Variants in GATAD2B observed in about 807,000 individuals in gnomAD.
The protein encoded by GATAD2B is GATA zinc finger domain containing 2B, also known as transcriptional repressor p66-beta.
In GATAD2B, 8 loss-of-function variants were observed where a neutral mutation model predicts 64.3. That is an observed-to-expected ratio of 0.12 (90% CI 0.07 to 0.22). The LOEUF is 0.22. Ranked by LOEUF, GATAD2B falls within the 10% of genes least tolerant of loss-of-function variation. GATAD2B has a pLI of 1.00. For synonymous variants in GATAD2B, 281 were observed against 271.3 expected (o/e 1.04, Z -0.35); for missense variants, 453 against 752.0 (o/e 0.60, Z 4.65).
intron 2 of GATAD2B, among the ~76,000 whole-genome samples, chr1:153,822,847 C>A (rs942051881): frequency 3.3e-5 from 5 of 152,110 alleles, no homozygotes; most frequent in African/African-American, 1.2e-4. Context: ...GGGTCTCACT[C>A]TGTCACCCAG....
intron 1 of GATAD2B, among the ~76,000 whole-genome samples, chr1:153,917,022 G>T (rs1678288005): frequency 1.3e-5 from 2 of 150,532 alleles, no homozygotes; most frequent in African/African-American, 4.9e-5. Flanking sequence ...TGGCCAGGCG[G>T]GTCTTGAACT....
chr1:153,867,113 T>C (rs752103353), intron 1 of GATAD2B, among the ~76,000 whole-genome samples: 5 of 151,808 alleles, frequency 3.3e-5, no homozygotes, highest in Non-Finnish European at 5.9e-5. Context: ...ACCTTAGAGG[T>C]TGGAATTAAC....
At chr1:153,879,795 A>G (rs572966502) in intron 1 of GATAD2B, among the ~76,000 whole-genome samples, 1 of 151,668 alleles carries the variant, frequency 6.6e-6, no homozygotes, top group East Asian at 1.9e-4. Flanking sequence ...ACATCATACT[A>G]AACTGAGCAG....
chr1:153,906,237 G>T (rs1194022119), intron 1 of GATAD2B, among the ~76,000 whole-genome samples: 1 of 151,858 alleles, frequency 6.6e-6, no homozygotes, highest in Non-Finnish European at 1.5e-5. Context: ...GGCCAATATG[G>T]TGAAACCCCA....
intron 1 of GATAD2B, among the ~76,000 whole-genome samples, chr1:153,835,269 T>C (rs1398497881): frequency 6.6e-6 from 1 of 152,138 alleles, no homozygotes; most frequent in African/African-American, 2.4e-5. Context: ...TTCCATAAAC[T>C]TGAGTTGACA....
intron 2 of GATAD2B, among the ~76,000 whole-genome samples, chr1:153,824,417 C>T (rs1419034071): frequency 6.6e-6 from 1 of 151,998 alleles, no homozygotes; most frequent in Non-Finnish European, 1.5e-5. Flanking sequence ...ATCACAAGGT[C>T]AGCAGATCGA....
chr1:153,818,218 G>A (rs377766999), intron 4 of GATAD2B, 47 bp from the exon 5 acceptor site: 7 of 1,525,958 alleles, frequency 4.6e-6, no homozygotes, highest in Non-Finnish European at 6.2e-6. Context: ...AATCACAGGT[G>A]GAAATTTGGT....
chr1:153,823,574 T>A (rs1242871592), intron 2 of GATAD2B, among the ~76,000 whole-genome samples: 2 of 152,146 alleles, frequency 1.3e-5, no homozygotes, highest in Non-Finnish European at 2.9e-5. Flanking sequence ...GAGCTCAAAT[T>A]CTTGCCCTCA....
At chr1:153,842,915 A>C (rs1675547727) in intron 1 of GATAD2B, among the ~76,000 whole-genome samples, 1 of 149,652 alleles carries the variant, frequency 6.7e-6, no homozygotes, top group Non-Finnish European at 1.5e-5. Flanking sequence ...TCGGCCTCCC[A>C]AAGTGCTGGG....
chr1:153,811,768 G>A lies in GATAD2B; in HGVS notation c.1611C>T (p.Pro537=). 6.2e-7 allele frequency: 1 copy of A among 1,611,682 alleles called. No individual in the cohort carries two copies. Among genetic ancestry groups the A allele is most frequent in the Non-Finnish European group, 8.5e-7 (1 of 1,178,864 alleles). The change falls in exon 10 of 11, where the codon CCC becomes CCT. Residue 537 remains proline, a synonymous_variant. Coordinates refer to ENST00000368655, the MANE Select transcript of GATAD2B (RefSeq NM_020699.4). ...RSMLSNFAQA[P]QLSVPGGLLG... is the part of the protein sequence containing the mutation. ...GGAGGCCACCTGGCACAGACAACTG[G>A]GGTGCCTGTGCAAAGTTTGAAAGCA...
At chr1:153,891,209 AGAAAG>A (rs993407139) in intron 1 of GATAD2B, among the ~76,000 whole-genome samples, 7 of 151,208 alleles carry the variant, frequency 4.6e-5, no homozygotes, top group African/African-American at 1.5e-4. Flanking sequence ...AAAAAGGAAA[AGAAAG>A]GAAAGGAAAA....
At chr1:153,856,276 C>G (rs1337874883) in intron 1 of GATAD2B, among the ~76,000 whole-genome samples, 2 of 152,114 alleles carry the variant, frequency 1.3e-5, no homozygotes, top group Admixed American at 1.3e-4. Flanking sequence ...AACATATTCA[C>G]AGGTTATGGG....
At chr1:153,818,946 G>A (rs1446126886) in intron 3 of GATAD2B, 24 bp from the exon 4 acceptor site, 1 of 1,603,886 alleles carries the variant, frequency 6.2e-7, no homozygotes, top group Non-Finnish European at 8.5e-7. Flanking sequence ...AAGACTTTCA[G>A]CTATGGCAGC....
chr1:153,825,426 C>CT (rs1334399866), intron 2 of GATAD2B, among the ~76,000 whole-genome samples: 2 of 151,802 alleles, frequency 1.3e-5, no homozygotes, highest in South Asian at 2.1e-4. Flanking sequence ...GTTGTTTTTG[C>CT]TTTTTTTTAA....
At chr1:153,849,343 A>G (rs1042470097) in intron 1 of GATAD2B, among the ~76,000 whole-genome samples, 8 of 152,226 alleles carry the variant, frequency 5.3e-5, no homozygotes, top group Admixed American at 3.9e-4. Context: ...AAGCCCTAAC[A>G]ACTTAATCAC....
chr1:153,886,520 T>TC (rs1437902251), intron 1 of GATAD2B: 5 of 149,752 alleles, frequency 3.3e-5, no homozygotes, highest in African/African-American at 1.2e-4. Context: ...AAAATAGTTT[T>TC]CCTTTTTTTT....
chr1:153,912,211 T>C (rs978293572), intron 1 of GATAD2B, among the ~76,000 whole-genome samples: 2 of 152,232 alleles, frequency 1.3e-5, no homozygotes, highest in Admixed American at 6.5e-5. Flanking sequence ...TACCTATATA[T>C]GTAAATTCAT....
chr1:153,876,259 A>AAG (rs1557817398), intron 1 of GATAD2B, among the ~76,000 whole-genome samples: 2 of 134,920 alleles, frequency 1.5e-5, no homozygotes, highest in Non-Finnish European at 1.6e-5. Context: ...AAAAAAAAAA[A>AAG]AGATTTCACA....
At chr1:153,839,420 G>T (rs919264254) in intron 1 of GATAD2B, among the ~76,000 whole-genome samples, 4 of 152,070 alleles carry the variant, frequency 2.6e-5, no homozygotes, top group Admixed American at 6.6e-5. Context: ...AATGTACAAG[G>T]CCCTTTATAT....
Sources: allele counts gnomAD v4.1 joint callset (sites outside exome capture counted in the v4.1 genomes callset), GRCh38; gene constraint gnomAD v4.1.1; transcripts MANE v1.5; gene names NCBI Gene and HGNC (gene_info 2026-07-23, HGNC 2026-07-21).